The following SPATA7 variants were observed in gnomAD, a reference collection of about 807,000 sequenced individuals.
SPATA7 encodes the protein spermatogenesis associated 7.
A neutral mutation model predicts 51.8 loss-of-function variants in SPATA7; 43 were observed. The observed-to-expected ratio is 0.83, with a 90% CI of 0.65 to 1.07. The LOEUF (loss-of-function observed/expected upper bound fraction) is 1.07. SPATA7 is among the 50% of genes least tolerant of loss of function. The probability of loss-of-function intolerance (pLI) is 0.00; values close to 1 mark genes in which losing one functional copy is unlikely to be tolerated. For missense variants in SPATA7, 683 were observed against 701.3 expected (o/e 0.97, Z 0.30); for synonymous variants, 230 against 252.8 (o/e 0.91, Z 0.86).
chr14:88,442,276 GC>G, downstream of SPATA7, among the ~76,000 whole-genome samples: 1 of 152,116 alleles, frequency 6.6e-6, no homozygotes, highest in East Asian at 1.9e-4. Context: ...TGCAACTTCT[GC>G]CTCCTGGGTT....
intron 6 of SPATA7, 104 bp downstream of exon 6, chr14:88,426,808 G>A: frequency 1.9e-6 from 2 of 1,035,264 alleles, no homozygotes; most frequent in South Asian, 2.8e-5. Flanking sequence ...ATCTGATAGT[G>A]CCCTTTTGAT....
chr14:88,394,659 G>A (rs1472917116), intron 3 of SPATA7, among the ~76,000 whole-genome samples: 11 of 151,924 alleles, frequency 7.2e-5, no homozygotes, highest in Admixed American at 7.2e-4. Flanking sequence ...GTTTCACTCG[G>A]GTAAATTTAT....
chr14:88,388,990 C>T (rs2075661571), intron 1 of SPATA7, among the ~76,000 whole-genome samples: 1 of 151,980 alleles, frequency 6.6e-6, no homozygotes. Flanking sequence ...AAGTGAACAA[C>T]AATGAAAACA....
In SPATA7 at chr14:88,469,117, A is replaced by T. The variant is rs201532355; in HGVS notation, c.255-730A>T. ...GAAATAGAAAAGTACTCAAGGATCA[A>T]GGCGTATCACATTGTTGACTCAATC... is the stretch of plus-strand genomic sequence containing the variant. On this transcript the variant is annotated intron_variant, in intron 4 of 4. Coordinates refer to the SPATA7 transcript ENST00000556406. This position sits in a 1 kb window ranked among gnomAD's most constrained non-coding sequence, Gnocchi z 4.3. 1.9e-5 allele frequency: 30 copies of T among 1,574,454 alleles called. No individual in the cohort carries two copies. In the Admixed American group the frequency reaches 4.2e-4, roughly 22 times the overall value.
In SPATA7 at chr14:88,438,184, A is replaced by T. The variant is rs773460135; in HGVS notation, c.1562A>T (p.Asp521Val). The change falls in exon 12 of 12, where the codon GAT becomes GTT. Residue 521 changes from aspartate (D) to valine (V), a missense_variant. Physicochemically the swap from Asp to Val is radical, Grantham distance 152. Transcript: ENST00000393545. ...ACAAATCTTGAAACTTCAACTTTGG[A>T]TGAAAATCATCCAAGTATTTCAGAC... is the stretch of plus-strand genomic sequence containing the variant. ...DETNLETSTL[D>V]ENHPSISDSL... 14 of 1,613,800 alleles carry T rather than the reference A, an allele frequency of 8.7e-6. No individual in the cohort carries two copies. The East Asian group carries it at 2.2e-4, about 26-fold the overall frequency.
chr14:88,436,984 G>A (rs879811820), intron 10 of SPATA7, among the ~76,000 whole-genome samples: 3 of 151,158 alleles, frequency 2.0e-5, no homozygotes, highest in African/African-American at 4.9e-5. Context: ...ATTTTGATAG[G>A]GATTGCATTG....
At chr14:88,392,622 T>G in intron 2 of SPATA7, among the ~76,000 whole-genome samples, 1 of 152,294 alleles carries the variant, frequency 6.6e-6, no homozygotes, top group Middle Eastern at 3.4e-3. Flanking sequence ...AGTATATTTC[T>G]GGGAAGGGAG....
chr14:88,416,829 T>A lies in SPATA7; in HGVS notation c.357T>A (p.Phe119Leu). The change falls in exon 5 of 12, where the codon TTT (phenylalanine) becomes TTA (leucine). Residue 119 changes from phenylalanine to leucine, a missense_variant. Physicochemically the swap from Phe to Leu is conservative, Grantham distance 22. Coordinates refer to ENST00000393545, the MANE Select transcript of SPATA7 (RefSeq NM_018418.5). ...ANYKNNSKSLFNTLQKPSGEP... is the reference protein window; with the variant it reads ...ANYKNNSKSLLNTLQKPSGEP... ...ATAAAAATAATTCCAAGTCACTTTT[T>A]AATACCTTACAAAAGGTAAGATAGT... The A allele has an allele frequency of 6.3e-7, 1 of 1,596,650 alleles. No homozygotes were observed. The highest frequency in any genetic ancestry group is 8.6e-7 in the Non-Finnish European group (1 of 1,165,198).
chr14:88,398,868 C>T (rs775633225), intron 4 of SPATA7, among the ~76,000 whole-genome samples: 48 of 151,526 alleles, frequency 3.2e-4, no homozygotes, highest in Non-Finnish European at 6.2e-4. Flanking sequence ...CTGGCTAACA[C>T]GGTGAAACCC....
chr14:88,463,545 T>TA (rs2077331095), intron 4 of SPATA7, among the ~76,000 whole-genome samples: 1 of 152,128 alleles, frequency 6.6e-6, no homozygotes, highest in African/African-American at 2.4e-5. Context: ...CACATACAGA[T>TA]ACGGTTTGGT....
intron 4 of SPATA7, 67 bp from the exon 5 acceptor site, chr14:88,416,644 C>G: frequency 6.7e-7 from 1 of 1,492,454 alleles, no homozygotes; most frequent in East Asian, 2.3e-5. Context: ...ATTTATTACT[C>G]TAACAAGACC....
intron 3 of SPATA7, among the ~76,000 whole-genome samples, chr14:88,448,629 G>T (rs1352866785): frequency 2.0e-5 from 3 of 152,052 alleles, no homozygotes; most frequent in African/African-American, 4.8e-5. Flanking sequence ...TCTACTTTTG[G>T]TCTTTGATGA....
chr14:88,401,978 A>G (rs1399363650), intron 4 of SPATA7, among the ~76,000 whole-genome samples: 2 of 152,128 alleles, frequency 1.3e-5, no homozygotes, highest in Non-Finnish European at 2.9e-5. Context: ...ATTAATGTAC[A>G]AAAACCAGTG....
chr14:88,469,659 C>CTAA lies in SPATA7; in HGVS notation c.255-188_255-187insTAA. The CTAA allele has an allele frequency of 1.9e-6, 3 of 1,614,142 alleles. No individual in the cohort carries two copies. Among genetic ancestry groups the CTAA allele is most frequent in the Non-Finnish European group, 2.5e-6 (3 of 1,180,032 alleles). On this transcript the variant is annotated intron_variant, in intron 4 of 4. Transcript: ENST00000556406. The surrounding 1 kb of genome is among the most constrained non-coding windows in gnomAD (Gnocchi z 4.3). ...TGCGGAACCGGGTCGTGATCTTAAA[C>CTAA]CTTCCATAGGTGACAGTGTTGTGCC...
downstream of SPATA7, among the ~76,000 whole-genome samples, chr14:88,438,823 T>C (rs894460059): frequency 6.6e-6 from 1 of 152,228 alleles, no homozygotes; most frequent in Non-Finnish European, 1.5e-5. Context: ...ATAACGTGGC[T>C]GCTTGCTTTT....
At position 88,426,369 on chromosome 14, in the gene SPATA7, T is replaced by C. The variant is rs934591642; in HGVS notation, c.510T>C (p.Asn170=). 2.5e-6 allele frequency: 4 copies of C among 1,614,040 alleles called. No homozygotes were observed. In the African/African-American group the frequency reaches 4.0e-5, roughly 16 times the overall value. Residue 170 remains asparagine, a synonymous_variant, in exon 6 of 12, where the codon AAT becomes AAC. Transcript: ENST00000393545. ...SLHKSSKVIT[N]GPEKNSSSSP... is the part of the protein sequence containing the mutation. ...ATAAATCCAGTAAAGTCATCACAAA[T>C]GGTCCTGAGAAGAACTCCAGTTCCT...
At chr14:88,402,132 A>G (rs1357513990) in intron 4 of SPATA7, among the ~76,000 whole-genome samples, 1 of 152,204 alleles carries the variant, frequency 6.6e-6, no homozygotes, top group Non-Finnish European at 1.5e-5. Context: ...TAAAACATCA[A>G]TAAAGGAAAT....
At chr14:88,429,186 G>T (rs2076874719) in intron 7 of SPATA7, 162 bp from the exon 8 acceptor site, 2 of 477,774 alleles carry the variant, frequency 4.2e-6, no homozygotes. Flanking sequence ...AGAAAAAAGT[G>T]CTGGATGGAT....
rs183510129 is a variant in SPATA7, at chr14:88,446,144, T to G, written c.177+8241T>G. 5.7e-3 allele frequency among the ~76,000 whole-genome samples: 864 copies of G among 152,316 alleles called. 5 individuals are homozygous for G. Among genetic ancestry groups the G allele is most frequent in the African/African-American group, 0.02 (816 of 41,558 alleles). ...ACTCTTTGGTTGGTAAGCTATTGATTATTGCCACAATTTCAGATCCTGTTA... is the reference window on the plus strand; with the variant it reads ...ACTCTTTGGTTGGTAAGCTATTGATGATTGCCACAATTTCAGATCCTGTTA... On this transcript the variant is annotated intron_variant, in intron 3 of 3. Transcript: ENST00000554802.
Sources: allele counts gnomAD v4.1 joint callset (sites outside exome capture counted in the v4.1 genomes callset), GRCh38; gene constraint gnomAD v4.1.1; non-coding constraint Gnocchi (gnomAD v3.1); transcripts MANE v1.5; gene names NCBI Gene and HGNC (gene_info 2026-07-23, HGNC 2026-07-21).